Variants in NCOA2 observed in about 807,000 individuals in gnomAD.
The protein encoded by NCOA2 is nuclear receptor coactivator 2.
A neutral mutation model predicts 145.1 loss-of-function variants in NCOA2; 21 were observed. That is an observed-to-expected ratio of 0.14 (90% CI 0.10 to 0.21). The LOEUF (loss-of-function observed/expected upper bound fraction) is 0.21, where lower values mean the gene tolerates loss of function less well. Among genes scored for constraint, NCOA2 ranks in the 10% least tolerant of loss-of-function variants. NCOA2 has a pLI of 1.00. For missense variants in NCOA2, 1,472 were observed against 1,837.6 expected (o/e 0.80, Z 3.64); for synonymous variants, 619 against 637.5 (o/e 0.97, Z 0.44).
At chr8:70,299,554 A>C (rs117173055) in intron 1 of NCOA2, among the ~76,000 whole-genome samples, 138 of 152,366 alleles carry the variant, frequency 9.1e-4, no homozygotes, top group Non-Finnish European at 1.7e-3. Flanking sequence ...TGAGATATAC[A>C]ATAAGGAAAA....
At chr8:70,252,685 G>T (rs913264946) in intron 2 of NCOA2, among the ~76,000 whole-genome samples, 1 of 152,166 alleles carries the variant, frequency 6.6e-6, no homozygotes, top group Non-Finnish European at 1.5e-5. Context: ...ACAGGTCATT[G>T]GTATTAAGGT....
At chr8:70,243,789 TGG>T (rs1822366305) in intron 2 of NCOA2, among the ~76,000 whole-genome samples, 1 of 66,252 alleles carries the variant, frequency 1.5e-5, no homozygotes. Flanking sequence ...AAATAAAAAA[TGG>T]AAAAAAAAAA....
the NCOA2 span, among the ~76,000 whole-genome samples, chr8:70,421,280 G>T: frequency 2.0e-5 from 3 of 152,086 alleles, no homozygotes; most frequent in African/African-American, 7.2e-5. Flanking sequence ...TCTTGACACG[G>T]TGGCTCACGC....
intron 21 of NCOA2, among the ~76,000 whole-genome samples, chr8:70,122,576 T>G (rs1807945325): frequency 6.6e-6 from 1 of 152,246 alleles, no homozygotes; most frequent in Non-Finnish European, 1.5e-5. Context: ...TATTTCTTTA[T>G]GTCTGCTTAA....
At chr8:70,174,276 C>A (rs1814586478) in intron 5 of NCOA2, among the ~76,000 whole-genome samples, 1 of 152,120 alleles carries the variant, frequency 6.6e-6, no homozygotes, top group South Asian at 2.1e-4. Flanking sequence ...TTAAAAGTTC[C>A]TTTTGCCTAT....
chr8:70,149,167 A>T (rs904776845), intron 11 of NCOA2, among the ~76,000 whole-genome samples: 3 of 152,018 alleles, frequency 2.0e-5, no homozygotes, highest in Non-Finnish European at 4.4e-5. Context: ...GGGAAGCAGG[A>T]TAAAAACTGG....
the NCOA2 span, among the ~76,000 whole-genome samples, chr8:70,448,349 G>T: frequency 6.6e-6 from 1 of 152,178 alleles, no homozygotes; most frequent in Non-Finnish European, 1.5e-5. Flanking sequence ...GCATGGCCAT[G>T]TTGAAAATAT....
intron 1 of NCOA2, among the ~76,000 whole-genome samples, chr8:70,370,674 T>TC (rs1437506556): frequency 6.6e-6 from 1 of 151,934 alleles, no homozygotes; most frequent in African/African-American, 2.4e-5. Context: ...GATGAACACA[T>TC]CTGTTTCCTC....
intron 19 of NCOA2, chr8:70,126,537 C>CA (rs1164164004): frequency 6.5e-6 from 3 of 464,268 alleles, no homozygotes; most frequent in Non-Finnish European, 1.2e-5. Flanking sequence ...AAGATAGACA[C>CA]AGTCTATGCA....
At chr8:70,363,079 TAAAAAAAA>T (rs777122942) in intron 1 of NCOA2, among the ~76,000 whole-genome samples, 1 of 99,810 alleles carries the variant, frequency 1.0e-5, no homozygotes, top group African/African-American at 4.1e-5. Flanking sequence ...ACTCTGTCTT[TAAAAAAAA>T]AAAAAAAAAA....
chr8:70,135,733 G>C (rs990006380), intron 15 of NCOA2, among the ~76,000 whole-genome samples: 1 of 152,082 alleles, frequency 6.6e-6, no homozygotes, highest in African/African-American at 2.4e-5. Flanking sequence ...ATTAAGACGA[G>C]AATAGAATTC....
intron 22 of NCOA2, among the ~76,000 whole-genome samples, chr8:70,119,211 TCA>T (rs1287047340): frequency 6.6e-6 from 1 of 152,164 alleles, no homozygotes; most frequent in Non-Finnish European, 1.5e-5. Context: ...TCTCCTGCCC[TCA>T]CAGTCACCCT....
At chr8:70,141,128 T>C (rs971540967) in intron 14 of NCOA2, 56 bp downstream of exon 14, 20 of 1,510,250 alleles carry the variant, frequency 1.3e-5, no homozygotes, top group Admixed American at 1.9e-5. Context: ...CTTATGACGC[T>C]CTCTTTTCTA....
chr8:70,207,138 TTGAA>T (rs1327318142), intron 4 of NCOA2, among the ~76,000 whole-genome samples: 4 of 152,204 alleles, frequency 2.6e-5, no homozygotes, highest in Non-Finnish European at 5.9e-5. Flanking sequence ...ACAAAATTTA[TTGAA>T]TGAATATTTA....
chr8:70,420,125 A>G, the NCOA2 span, among the ~76,000 whole-genome samples: 1 of 152,228 alleles, frequency 6.6e-6, no homozygotes, highest in Admixed American at 6.5e-5. Flanking sequence ...ATGAATGGAT[A>G]GTAAATAAAT....
chr8:70,411,697 G>A, the NCOA2 span, among the ~76,000 whole-genome samples: 3 of 152,154 alleles, frequency 2.0e-5, no homozygotes, highest in African/African-American at 7.2e-5. Flanking sequence ...ATAAATCATA[G>A]AGAAATAACC....
At chr8:70,119,093 G>A (rs1563474264) in intron 22 of NCOA2, among the ~76,000 whole-genome samples, 4 of 152,108 alleles carry the variant, frequency 2.6e-5, no homozygotes, top group Non-Finnish European at 5.9e-5. Context: ...GTTTTAGGGT[G>A]TCCATTACCC....
At chr8:70,116,507 C>T (rs1190354217) in intron 22 of NCOA2, among the ~76,000 whole-genome samples, 2 of 151,650 alleles carry the variant, frequency 1.3e-5, no homozygotes, top group Non-Finnish European at 2.9e-5. Flanking sequence ...GCTAAGATCG[C>T]GCCACTGCAC....
intron 1 of NCOA2, among the ~76,000 whole-genome samples, chr8:70,363,146 C>A (rs576205870): frequency 6.7e-6 from 1 of 148,790 alleles, no homozygotes; most frequent in African/African-American, 2.5e-5. Flanking sequence ...CACTTTGGGA[C>A]GCCAAGGTGG....
Sources: gnomAD v4.1 joint callset for allele counts (sites outside exome capture counted in the v4.1 genomes callset) on GRCh38, gnomAD v4.1.1 for gene constraint, MANE v1.5 for transcripts, NCBI Gene and HGNC (gene_info 2026-07-23, HGNC 2026-07-21) for gene names.